PRDM5: variants seen among roughly 807,000 people sequenced by gnomAD.
PRDM5 encodes PR domain zinc finger protein 5.
A neutral mutation model predicts 81.2 loss-of-function variants in PRDM5; 56 were observed. The ratio of observed to expected loss-of-function variants is 0.69; its 90% CI spans 0.56 to 0.86. The LOEUF (loss-of-function observed/expected upper bound fraction) is 0.86, where lower values mean the gene tolerates loss of function less well. PRDM5 is among the 40% of genes least tolerant of loss of function. The pLI is 0.00. For missense variants in PRDM5, 697 were observed against 770.1 expected, an observed-to-expected ratio of 0.91 and a Z score of 1.12; for synonymous variants, 267 against 256.4, an observed-to-expected ratio of 1.04 and a Z score of -0.39.
downstream of PRDM5, among the ~76,000 whole-genome samples, chr4:120,691,089 G>C (rs181617374): frequency 6.6e-6 from 1 of 152,030 alleles, no homozygotes; most frequent in Non-Finnish European, 1.5e-5. Context: ...AACTAAATAT[G>C]AACATTTGTT....
intron 13 of PRDM5, among the ~76,000 whole-genome samples, chr4:120,766,174 G>A (rs932846708): frequency 7.2e-5 from 11 of 152,120 alleles, no homozygotes; most frequent in African/African-American, 2.4e-5. Context: ...TGGCCAGACT[G>A]GTTTCGAACA....
intron 14 of PRDM5, among the ~76,000 whole-genome samples, chr4:120,745,935 T>G (rs1002074562): frequency 2.0e-5 from 3 of 150,002 alleles, no homozygotes; most frequent in Admixed American, 6.6e-5. Flanking sequence ...AAAACTACTT[T>G]AAAGTTCATA....
intron 2 of PRDM5, among the ~76,000 whole-genome samples, chr4:120,902,203 T>G (rs539723837): frequency 1.3e-4 from 20 of 152,166 alleles, no homozygotes; most frequent in Non-Finnish European, 2.1e-4. Context: ...TTAGAACAAC[T>G]AAATCATGGT....
In PRDM5 at chr4:120,875,991, G is replaced by T. The variant is rs140968028; in HGVS notation, c.178-22451C>A. ...AATGACAACTGGCTCCAATGCTATT[G>T]ATATATTAGGGAACAATCTGAGCAC... On this transcript the variant is annotated intron_variant, in intron 2 of 15. Coordinates refer to ENST00000264808, the MANE Select transcript of PRDM5 (RefSeq NM_018699.4). 1.8e-3 allele frequency among the ~76,000 whole-genome samples: 281 copies of T among 152,254 alleles called. 3 individuals carry two copies. In the East Asian group the frequency reaches 0.037, roughly 20 times the overall value.
At chr4:120,840,714 T>C (rs1452595526) in intron 3 of PRDM5, among the ~76,000 whole-genome samples, 1 of 152,138 alleles carries the variant, frequency 6.6e-6, no homozygotes, top group Non-Finnish European at 1.5e-5. Flanking sequence ...AGGTCACGAC[T>C]CTGCCCACGA....
chr4:120,778,265 G>C (rs1413145058), intron 12 of PRDM5, among the ~76,000 whole-genome samples: 2 of 152,008 alleles, frequency 1.3e-5, no homozygotes, highest in Non-Finnish European at 2.9e-5. Flanking sequence ...AGCTTCCAGG[G>C]CCTGTGTTTG....
At chr4:120,913,951 C>A (rs2148703363) in intron 1 of PRDM5, among the ~76,000 whole-genome samples, 1 of 152,244 alleles carries the variant, frequency 6.6e-6, no homozygotes, top group South Asian at 2.1e-4. Flanking sequence ...GAAGAGAGAC[C>A]CATTTGCCTT....
chr4:120,686,364 T>A (rs1459692802), intron 1 of PRDM5, among the ~76,000 whole-genome samples: 1 of 152,132 alleles, frequency 6.6e-6, no homozygotes, highest in Non-Finnish European at 1.5e-5. Context: ...AAAATATATT[T>A]TGTAACTAAA....
At chr4:120,750,718 A>ACGCGCG (rs58170908) in intron 14 of PRDM5, among the ~76,000 whole-genome samples, 5 of 149,910 alleles carry the variant, frequency 3.3e-5, no homozygotes, top group African/African-American at 1.2e-4. Context: ...ACACACACAC[A>ACGCGCG]CGCGCACACA....
intron 8 of PRDM5, among the ~76,000 whole-genome samples, chr4:120,800,886 T>C (rs1313825787): frequency 1.3e-5 from 2 of 152,136 alleles, no homozygotes; most frequent in Non-Finnish European, 2.9e-5. Context: ...CAGTAAACAA[T>C]TGGCTAATAT....
chr4:120,904,207 A>AAAAAAAAAAC (rs1561676162), intron 2 of PRDM5, among the ~76,000 whole-genome samples: 1 of 141,302 alleles, frequency 7.1e-6, no homozygotes, highest in African/African-American at 2.8e-5. Context: ...AAAAAAAAAC[A>AAAAAAAAAAC]AAAAAACCTC....
At chr4:120,774,194 G>C (rs1378293918) in intron 13 of PRDM5, among the ~76,000 whole-genome samples, 1 of 152,132 alleles carries the variant, frequency 6.6e-6, no homozygotes, top group Non-Finnish European at 1.5e-5. Flanking sequence ...GCTCCACAGA[G>C]GAGCTGTCCT....
At chr4:120,810,038 T>C (rs987589141) in intron 8 of PRDM5, among the ~76,000 whole-genome samples, 6 of 152,214 alleles carry the variant, frequency 3.9e-5, no homozygotes, top group Admixed American at 3.9e-4. Flanking sequence ...GTGAGTTTTA[T>C]AAATATTTCA....
chr4:120,913,570 A>G (rs1766755107), intron 1 of PRDM5, among the ~76,000 whole-genome samples: 1 of 152,238 alleles, frequency 6.6e-6, no homozygotes, highest in Non-Finnish European at 1.5e-5. Flanking sequence ...TGCGACAAAA[A>G]GAATTGTGGG....
intron 2 of PRDM5, chr4:120,896,657 T>TCACACACACACA (rs374407164): frequency 4.1e-5 from 6 of 144,796 alleles, no homozygotes; most frequent in African/African-American, 1.3e-4. Context: ...CTTAAATATT[T>TCACACACACACA]CACACACACA....
At chr4:120,743,124 T>C (rs1355238214) in intron 14 of PRDM5, among the ~76,000 whole-genome samples, 1 of 151,950 alleles carries the variant, frequency 6.6e-6, no homozygotes, top group East Asian at 1.9e-4. Flanking sequence ...GGGCCGATAT[T>C]CAACATTCTT....
chr4:120,756,260 G>A (rs185682431), intron 13 of PRDM5, among the ~76,000 whole-genome samples: 2 of 152,198 alleles, frequency 1.3e-5, no homozygotes, highest in African/African-American at 2.4e-5. Flanking sequence ...ACCCTCCTTT[G>A]GGTATCTCAC....
At chr4:120,808,148 G>A (rs149966987) in intron 8 of PRDM5, among the ~76,000 whole-genome samples, 3,170 of 152,226 alleles carry the variant, frequency 0.021, 118 homozygotes, top group African/African-American at 0.07. Context: ...GGACCTGAGC[G>A]GGTTGCCACT....
chr4:120,787,033 G>A (rs1749855917), intron 10 of PRDM5, among the ~76,000 whole-genome samples: 1 of 152,118 alleles, frequency 6.6e-6, no homozygotes, highest in Non-Finnish European at 1.5e-5. Flanking sequence ...CAGAGGAGAA[G>A]GACAATAAAC....
Sources: gnomAD v4.1 joint callset for allele counts (sites outside exome capture counted in the v4.1 genomes callset) on GRCh38, gnomAD v4.1.1 for gene constraint, MANE v1.5 for transcripts, NCBI Gene and HGNC (gene_info 2026-07-23, HGNC 2026-07-21) for gene names.